Variants in QTGAL observed in about 807,000 individuals in gnomAD.
QTGAL encodes the protein queuosine-tRNA galactosyltransferase.
At chr17:83,029,559 C>T in the QTGAL span, among the ~76,000 whole-genome samples, 10 of 151,970 alleles carry the variant, frequency 6.6e-5, no homozygotes, top group Admixed American at 2.0e-4. Flanking sequence ...GTTTGTCACA[C>T]GATGAAAACA....
chr17:83,037,053 C>G, the QTGAL span, among the ~76,000 whole-genome samples: 1 of 152,168 alleles, frequency 6.6e-6, no homozygotes, highest in Non-Finnish European at 1.5e-5. The surrounding 1 kb of genome is among the most constrained non-coding windows in gnomAD (Gnocchi z 5.2). Flanking sequence ...CGGACAGTTA[C>G]AGACATCATG....
At chr17:82,967,160 C>T in the QTGAL span, among the ~76,000 whole-genome samples, 602 of 152,322 alleles carry the variant, frequency 4.0e-3, 8 homozygotes, top group African/African-American at 0.014. Flanking sequence ...TTCCAAACAA[C>T]GCCCACATTC....
chr17:82,997,930 A>AAAT, the QTGAL span, among the ~76,000 whole-genome samples: 1,007 of 131,602 alleles, frequency 7.7e-3, 4 homozygotes, highest in East Asian at 0.026. Context: ...TAAAAAAAAA[A>AAAT]ATATATATAT....
At chr17:82,970,618 ACCC>A in the QTGAL span, among the ~76,000 whole-genome samples, 1 of 139,500 alleles carries the variant, frequency 7.2e-6, no homozygotes, top group Non-Finnish European at 1.5e-5. Context: ...CGACCTCCCC[ACCC>A]GGCGTGGCCG....
chr17:82,963,031 C>T, the QTGAL span, among the ~76,000 whole-genome samples: 16 of 152,228 alleles, frequency 1.1e-4, no homozygotes, highest in South Asian at 2.1e-4. Context: ...GGACCCCTGG[C>T]GGGGCGCAGG....
the QTGAL span, among the ~76,000 whole-genome samples, chr17:83,002,469 G>C: frequency 6.6e-6 from 1 of 152,210 alleles, no homozygotes; most frequent in East Asian, 1.9e-4. Context: ...GAAAAGCACA[G>C]CAACTCACTC....
chr17:82,956,935 C>G, the QTGAL span: 2 of 987,926 alleles, frequency 2.0e-6, no homozygotes, highest in African/African-American at 1.6e-5. The surrounding 1 kb of genome is among the most constrained non-coding windows in gnomAD (Gnocchi z 5.7). Context: ...AGAGCAGGAA[C>G]CCGGCTCCCG....
At chr17:83,007,229 G>A in the QTGAL span, 2 of 985,312 alleles carry the variant, frequency 2.0e-6, no homozygotes, top group Non-Finnish European at 2.4e-6. Context: ...CTCTCCTAAA[G>A]CACATGCTAA....
the QTGAL span, chr17:83,006,281 G>C: frequency 9.1e-6 from 9 of 985,562 alleles, no homozygotes; most frequent in Non-Finnish European, 9.6e-6. The surrounding 1 kb of genome is among the most constrained non-coding windows in gnomAD (Gnocchi z 5.8). Context: ...TCTCCAACTT[G>C]TGTAGCGTTT....
chr17:83,039,558 G>A, the QTGAL span, among the ~76,000 whole-genome samples: 8 of 116,422 alleles, frequency 6.9e-5, 3 homozygotes, highest in Non-Finnish European at 7.3e-5. Context: ...GGCGCCCGCC[G>A]CCCGAACCTG....
chr17:82,963,935 G>C, the QTGAL span, among the ~76,000 whole-genome samples: 1 of 149,928 alleles, frequency 6.7e-6, no homozygotes, highest in South Asian at 2.1e-4. Context: ...AAATTGGATC[G>C]ATTTAACTAA....
the QTGAL span, among the ~76,000 whole-genome samples, chr17:82,957,865 AT>A: frequency 1.1e-4 from 16 of 152,140 alleles, no homozygotes; most frequent in Admixed American, 3.3e-4. Context: ...ATCCCATAAA[AT>A]CCCAGCGTTC....
the QTGAL span, among the ~76,000 whole-genome samples, chr17:83,036,750 G>A: frequency 6.6e-6 from 1 of 152,140 alleles, no homozygotes; most frequent in Non-Finnish European, 1.5e-5. Context: ...TGGGCGGTGG[G>A]CAGTCTGGGC....
the QTGAL span, among the ~76,000 whole-genome samples, chr17:83,007,986 C>T: frequency 4.1e-5 from 6 of 147,434 alleles, no homozygotes; most frequent in East Asian, 3.9e-4. Context: ...AGACCAACAG[C>T]GCCCAGCCGC....
the QTGAL span, among the ~76,000 whole-genome samples, chr17:83,002,093 A>C: frequency 2.0e-5 from 3 of 151,402 alleles, no homozygotes; most frequent in Non-Finnish European, 4.4e-5. Flanking sequence ...CTATACTGGC[A>C]TGAAGGTCTA....
the QTGAL span, among the ~76,000 whole-genome samples, chr17:82,961,799 G>T: frequency 6.6e-6 from 1 of 152,232 alleles, no homozygotes; most frequent in Non-Finnish European, 1.5e-5. Context: ...AGAACATTCT[G>T]CAGGCATTCC....
At chr17:83,019,002 G>A in the QTGAL span, among the ~76,000 whole-genome samples, 20 of 152,192 alleles carry the variant, frequency 1.3e-4, no homozygotes, top group Non-Finnish European at 2.2e-4. Flanking sequence ...GCCCCCTGAC[G>A]TTGTGGTCTA....
At chr17:83,002,439 A>C in the QTGAL span, among the ~76,000 whole-genome samples, 4 of 152,218 alleles carry the variant, frequency 2.6e-5, no homozygotes, top group Non-Finnish European at 5.9e-5. Flanking sequence ...TCCCGTTTTA[A>C]GTATTTTCAC....
the QTGAL span, chr17:82,944,671 C>A: frequency 6.6e-6 from 1 of 152,176 alleles, no homozygotes. Context: ...AAGCCAGTAT[C>A]CCTGGGACCG....
Sources: gnomAD v4.1 joint callset for allele counts (sites outside exome capture counted in the v4.1 genomes callset) on GRCh38, gnomAD v4.1.1 for gene constraint, Gnocchi (gnomAD v3.1) non-coding constraint, MANE v1.5 for transcripts, NCBI Gene and HGNC (gene_info 2026-07-23, HGNC 2026-07-21) for gene names.